NDUFA10: variants seen among roughly 807,000 people sequenced by gnomAD.
NDUFA10 encodes NADH:ubiquinone oxidoreductase subunit A10.
A neutral mutation model predicts 47.8 loss-of-function variants in NDUFA10; 40 were observed. The ratio of observed to expected loss-of-function variants is 0.84; its 90% CI spans 0.65 to 1.09. The LOEUF is 1.09. Ranked by LOEUF, NDUFA10 falls within the 50% of genes least tolerant of loss-of-function variation. The probability of loss-of-function intolerance (pLI) is 0.00; values close to 1 mark genes in which losing one functional copy is unlikely to be tolerated. For missense variants in NDUFA10, 413 were observed against 451.1 expected (o/e 0.92, Z 0.76); for synonymous variants, 183 against 172.2 (o/e 1.06, Z -0.49).
At chr2:239,966,617 A>G (rs1035479628) in intron 9 of NDUFA10, among the ~76,000 whole-genome samples, 1 of 152,134 alleles carries the variant, frequency 6.6e-6, no homozygotes, top group Non-Finnish European at 1.5e-5. Context: ...TCTGTGTGCA[A>G]ATCTGTGTGT....
intron 9 of NDUFA10, among the ~76,000 whole-genome samples, chr2:239,966,309 G>A (rs1288752499): frequency 6.6e-6 from 1 of 152,206 alleles, no homozygotes; most frequent in Non-Finnish European, 1.5e-5. Context: ...CCTGGCCCCC[G>A]ATGGAGCCCA....
At chr2:239,894,153 C>CTCT (rs1693347382) in intron 5 of NDUFA10, among the ~76,000 whole-genome samples, 1 of 143,290 alleles carries the variant, frequency 7.0e-6, no homozygotes, top group African/African-American at 2.6e-5. Flanking sequence ...CCTCACTCCT[C>CTCT]CTGCCTCCTG....
intron 5 of NDUFA10, 82 bp downstream of exon 5, chr2:240,014,657 T>A: frequency 3.1e-6 from 5 of 1,589,756 alleles, no homozygotes; most frequent in Non-Finnish European, 3.5e-6. Flanking sequence ...GGAATTAGTA[T>A]AAATGCTATT....
chr2:239,995,110 C>A (rs946970609), intron 8 of NDUFA10, among the ~76,000 whole-genome samples: 1 of 152,084 alleles, frequency 6.6e-6, no homozygotes, highest in African/African-American at 2.4e-5. Flanking sequence ...CCCATTCCTA[C>A]TAAAAATACA....
intron 4 of NDUFA10, among the ~76,000 whole-genome samples, chr2:239,904,800 G>T (rs997443015): frequency 1.3e-5 from 2 of 152,304 alleles, no homozygotes; most frequent in African/African-American, 2.4e-5. Flanking sequence ...TGAAGTCAGG[G>T]TGTCCACACA....
intron 6 of NDUFA10, among the ~76,000 whole-genome samples, chr2:240,009,762 T>G (rs934621378): frequency 3.9e-5 from 6 of 152,230 alleles, no homozygotes; most frequent in Admixed American, 3.9e-4. Flanking sequence ...TAAAAACATT[T>G]CTCTTATTTA....
intron 9 of NDUFA10, among the ~76,000 whole-genome samples, chr2:239,972,283 C>T (rs1040037815): frequency 1.3e-5 from 2 of 151,642 alleles, no homozygotes; most frequent in African/African-American, 4.8e-5. Flanking sequence ...ATAAATTAAA[C>T]AAAAAAACGA....
At chr2:239,982,270 G>T in intron 9 of NDUFA10, 1 of 1,596,100 alleles carries the variant, frequency 6.3e-7, no homozygotes, top group South Asian at 1.1e-5. Context: ...GACAAAGGCC[G>T]ACTTTACTTT....
At chr2:239,914,277 A>T (rs1693802503) in intron 4 of NDUFA10, among the ~76,000 whole-genome samples, 2 of 152,078 alleles carry the variant, frequency 1.3e-5, no homozygotes, top group Non-Finnish European at 2.9e-5. Context: ...ACACAGACAC[A>T]CACAAATATA....
rs13390400 is a variant in NDUFA10 at position 239,906,602 on chromosome 2, A to C, written c.295-11288T>G. ...TTTAAAGAAAATGGCAGTGCACCCC[A>C]TGGATGGCAAGAGCCAACCAGCGTG... On this transcript the variant is annotated intron_variant, in intron 4 of 5. Transcript: ENST00000419408. This position sits in a 1 kb window ranked among gnomAD's most constrained non-coding sequence, Gnocchi z 4.3. Among the ~76,000 whole-genome samples the C allele has an allele frequency of 0.16, 23,627 of 152,136 alleles. 1,874 individuals carry two copies. Among genetic ancestry groups the C allele is most frequent in the South Asian group, 0.18 (880 of 4,824 alleles).
chr2:239,902,987 C>T (rs1466526687), intron 4 of NDUFA10, among the ~76,000 whole-genome samples: 1 of 152,228 alleles, frequency 6.6e-6, no homozygotes, highest in East Asian at 1.9e-4. Flanking sequence ...ATCTATACAA[C>T]ACCCTTTCAG....
At chr2:239,974,688 C>T (rs1194385331) in intron 9 of NDUFA10, among the ~76,000 whole-genome samples, 1 of 152,186 alleles carries the variant, frequency 6.6e-6, no homozygotes, top group East Asian at 1.9e-4. Flanking sequence ...CACTCTACCA[C>T]CAAAGATCTG....
chr2:239,998,446 T>G (rs1184668032), intron 8 of NDUFA10, among the ~76,000 whole-genome samples: 3 of 152,240 alleles, frequency 2.0e-5, no homozygotes, highest in Non-Finnish European at 2.9e-5. Flanking sequence ...GCTCTTGCGC[T>G]CTCAGAAAGC....
intron 5 of NDUFA10, chr2:240,013,860 T>C (rs886548814): frequency 1.3e-5 from 2 of 152,180 alleles, no homozygotes; most frequent in African/African-American, 4.8e-5. Flanking sequence ...AAGGAGACCA[T>C]ATTCTCCTCC....
chr2:239,911,175 A>G (rs1574771965), intron 4 of NDUFA10, among the ~76,000 whole-genome samples: 1 of 152,178 alleles, frequency 6.6e-6, no homozygotes, highest in African/African-American at 2.4e-5. Flanking sequence ...TCCAAGCAAC[A>G]CCACTTACTA....
intron 6 of NDUFA10, 24 bp downstream of exon 6, chr2:240,011,593 A>G: frequency 6.3e-7 from 1 of 1,584,876 alleles, no homozygotes; most frequent in Non-Finnish European, 8.7e-7. Context: ...TTAGCCCTGT[A>G]AATCAGTCGT....
At chr2:239,944,332 C>G (rs1422080754) in intron 4 of NDUFA10, among the ~76,000 whole-genome samples, 3 of 152,232 alleles carry the variant, frequency 2.0e-5, no homozygotes, top group Admixed American at 2.0e-4. Flanking sequence ...TCTGCTCCAG[C>G]CTGGCGTCCC....
downstream of NDUFA10, among the ~76,000 whole-genome samples, chr2:239,956,217 G>C (rs1486802408): frequency 6.6e-6 from 1 of 152,160 alleles, no homozygotes; most frequent in East Asian, 1.9e-4. Context: ...TACACTTGGA[G>C]GTGGGGCCGG....
At chr2:239,995,286 A>G (rs1251767641) in intron 8 of NDUFA10, among the ~76,000 whole-genome samples, 1 of 152,118 alleles carries the variant, frequency 6.6e-6, no homozygotes, top group Non-Finnish European at 1.5e-5. Context: ...AAAGAAAAAA[A>G]AAAGTGGAAG....
Sources: allele counts gnomAD v4.1 joint callset (sites outside exome capture counted in the v4.1 genomes callset), GRCh38; gene constraint gnomAD v4.1.1; non-coding constraint Gnocchi (gnomAD v3.1); transcripts MANE v1.5; gene names NCBI Gene and HGNC (gene_info 2026-07-23, HGNC 2026-07-21).